The following CDH12 variants were observed in gnomAD, a reference collection of about 807,000 sequenced individuals.
CDH12 encodes cadherin-12.
A neutral mutation model predicts 74.1 loss-of-function variants in CDH12; 41 were observed. The observed-to-expected ratio is 0.55, with a 90% CI of 0.43 to 0.72. The LOEUF (loss-of-function observed/expected upper bound fraction) is 0.72. CDH12 is among the 30% of genes least tolerant of loss of function. CDH12 has a pLI of 0.00. For missense variants in CDH12, 945 were observed against 977.2 expected, an observed-to-expected ratio of 0.97 and a Z score of 0.44; for synonymous variants, 399 against 355.0, an observed-to-expected ratio of 1.12 and a Z score of -1.39.
At chr5:22,632,553 A>T (rs2126858577) in intron 1 of CDH12, among the ~76,000 whole-genome samples, 1 of 152,314 alleles carries the variant, frequency 6.6e-6, no homozygotes, top group South Asian at 2.1e-4. Context: ...AAGATGTTCA[A>T]AAGTTATTTG....
At chr5:22,108,113 A>C (rs1222778470) in intron 4 of CDH12, among the ~76,000 whole-genome samples, 1 of 152,186 alleles carries the variant, frequency 6.6e-6, no homozygotes, top group Non-Finnish European at 1.5e-5. Flanking sequence ...CCCATGTGTC[A>C]AGAGCAGGGC....
chr5:21,841,089 A>C (rs926784753), intron 8 of CDH12, among the ~76,000 whole-genome samples: 8 of 152,280 alleles, frequency 5.3e-5, no homozygotes, highest in Non-Finnish European at 5.9e-5. Flanking sequence ...AATGGGAGAA[A>C]ATTTTCGCAA....
Position 21,814,311 on chromosome 5 carries a change from C to T in CDH12, c.1002+2634G>A, listed in dbSNP as rs374722196. ...GAAGAATAAAAATTCTAAATAAACA[C>T]AATAAATACAAAAAATAAATAACAT... is the stretch of plus-strand genomic sequence containing the variant. On this transcript the variant is annotated intron_variant, in intron 9 of 14. Coordinates refer to ENST00000382254, the MANE Select transcript of CDH12 (RefSeq NM_004061.5). Among the ~76,000 whole-genome samples the T allele has an allele frequency of 9.2e-5, 14 of 151,736 alleles. No homozygotes were observed. The East Asian group carries it at 2.3e-3, about 25-fold the overall frequency.
chr5:22,734,152 T>A (rs1744568519), intron 1 of CDH12, among the ~76,000 whole-genome samples: 1 of 152,012 alleles, frequency 6.6e-6, no homozygotes, highest in Admixed American at 6.6e-5. Context: ...TTCTTCCAGC[T>A]TCTGCACAAT....
At chr5:21,979,141 C>G (rs978084642) in intron 5 of CDH12, among the ~76,000 whole-genome samples, 4 of 152,104 alleles carry the variant, frequency 2.6e-5, no homozygotes, top group Non-Finnish European at 5.9e-5. Context: ...AATTTCTTTC[C>G]TTTGTAGCCA....
At chr5:21,954,341 A>G (rs1293202466) in intron 6 of CDH12, among the ~76,000 whole-genome samples, 1 of 151,450 alleles carries the variant, frequency 6.6e-6, no homozygotes, top group Non-Finnish European at 1.5e-5. Flanking sequence ...TGTGTATCTT[A>G]TTTCCTCATA....
intron 3 of CDH12, among the ~76,000 whole-genome samples, chr5:22,337,432 C>G (rs1739643673): frequency 6.6e-6 from 1 of 152,110 alleles, no homozygotes; most frequent in Non-Finnish European, 1.5e-5. Context: ...TCTTATAGCT[C>G]CCGTAATTCC....
chr5:22,513,201 T>C (rs993293773), intron 1 of CDH12, among the ~76,000 whole-genome samples: 1 of 152,096 alleles, frequency 6.6e-6, no homozygotes, highest in African/African-American at 2.4e-5. Context: ...GTACTTAGAA[T>C]TCCTTCAAAG....
intron 1 of CDH12, among the ~76,000 whole-genome samples, chr5:22,574,073 CTTT>C (rs543910610): frequency 0.012 from 1,041 of 87,214 alleles, 5 homozygotes; most frequent in African/African-American, 0.046. Flanking sequence ...GTCTCTCTCT[CTTT>C]TTTTTTTTTT....
At chr5:22,258,153 G>A (rs1044068447) in intron 3 of CDH12, among the ~76,000 whole-genome samples, 35 of 151,928 alleles carry the variant, frequency 2.3e-4, no homozygotes, top group African/African-American at 7.7e-4. Context: ...TCTGAAACTC[G>A]ATAATAAAAA....
intron 2 of CDH12, among the ~76,000 whole-genome samples, chr5:22,432,041 G>A (rs1465879182): frequency 1.3e-5 from 2 of 152,078 alleles, no homozygotes; most frequent in Non-Finnish European, 2.9e-5. Flanking sequence ...TCAAACTCAT[G>A]GTGAGTGAAT....
chr5:22,266,085 ATTTT>A (rs1554025851), intron 3 of CDH12, among the ~76,000 whole-genome samples: 1 of 91,304 alleles, frequency 1.1e-5, no homozygotes, highest in South Asian at 3.5e-4. Flanking sequence ...TTATTTATTT[ATTTT>A]TCTGAAGCAG....
chr5:21,842,382 T>C, intron 7 of CDH12, 54 bp from the exon 8 acceptor site: 2 of 1,250,960 alleles, frequency 1.6e-6, no homozygotes, highest in South Asian at 2.9e-5. Context: ...CTCTGTTTTC[T>C]GAAATAAAAT....
chr5:22,283,275 CATATACACACAT>C (rs1255165111), intron 3 of CDH12, among the ~76,000 whole-genome samples: 96 of 133,712 alleles, frequency 7.2e-4, no homozygotes, highest in African/African-American at 3.1e-3. Context: ...CACACACACA[CATATACACACAT>C]ATATATATAG....
At chr5:22,416,161 G>A (rs899958100) in intron 2 of CDH12, among the ~76,000 whole-genome samples, 2 of 118,818 alleles carry the variant, frequency 1.7e-5, no homozygotes, top group African/African-American at 3.2e-5. Flanking sequence ...TACAAGCTCC[G>A]CCTCCCAGGT....
chr5:22,637,373 C>A (rs1244015803), intron 1 of CDH12, among the ~76,000 whole-genome samples: 1 of 152,206 alleles, frequency 6.6e-6, no homozygotes, highest in African/African-American at 2.4e-5. Context: ...TAACTATCCA[C>A]TTCCCTTTCA....
chr5:22,090,880 T>C (rs1743379269), intron 4 of CDH12, among the ~76,000 whole-genome samples: 1 of 152,030 alleles, frequency 6.6e-6, no homozygotes, highest in Non-Finnish European at 1.5e-5. Context: ...ATTTTCAATA[T>C]GTTTTATTGA....
chr5:22,027,324 C>T (rs968833748), intron 5 of CDH12, among the ~76,000 whole-genome samples: 11 of 152,228 alleles, frequency 7.2e-5, no homozygotes, highest in African/African-American at 2.4e-4. Flanking sequence ...TGATGCTGAC[C>T]TCATAAAATG....
chr5:21,882,530 C>A, intron 6 of CDH12: 1 of 948,974 alleles, frequency 1.1e-6, no homozygotes, highest in Non-Finnish European at 1.7e-6. Context: ...CTCTGTCCCT[C>A]ACTCGCCGCC....
Sources: allele counts gnomAD v4.1 joint callset (sites outside exome capture counted in the v4.1 genomes callset), GRCh38; gene constraint gnomAD v4.1.1; transcripts MANE v1.5; gene names NCBI Gene and HGNC (gene_info 2026-07-23, HGNC 2026-07-21).